SLIT2: variants seen among roughly 807,000 people sequenced by gnomAD.
SLIT2 encodes the protein slit homolog 2 protein.
SLIT2 carries 41 observed loss-of-function variants against 185.7 expected under a neutral mutation model. The ratio of observed to expected loss-of-function variants is 0.22; its 90% CI spans 0.17 to 0.29. The LOEUF is 0.29. Ranked by LOEUF, SLIT2 falls within the 10% of genes least tolerant of loss-of-function variation. The pLI is 1.00. For synonymous variants in SLIT2, 693 were observed against 680.2 expected (o/e 1.02, Z -0.29); for missense variants, 1,571 against 1,909.0 (o/e 0.82, Z 3.30).
intron 33 of SLIT2, among the ~76,000 whole-genome samples, chr4:20,605,668 T>A (rs1728735433): frequency 6.6e-6 from 1 of 152,126 alleles, no homozygotes; most frequent in Admixed American, 6.5e-5. Context: ...GCAGTCTTAC[T>A]ATGTAGCAAC....
intron 4 of SLIT2, among the ~76,000 whole-genome samples, chr4:20,389,863 T>A (rs1430229518): frequency 1.3e-5 from 2 of 152,120 alleles, no homozygotes; most frequent in Non-Finnish European, 2.9e-5. Flanking sequence ...TATTAATGTC[T>A]GATATTTGAC....
At chr4:20,585,496 G>T (rs1186393435) in intron 29 of SLIT2, among the ~76,000 whole-genome samples, 1 of 152,196 alleles carries the variant, frequency 6.6e-6, no homozygotes, top group Non-Finnish European at 1.5e-5. Flanking sequence ...TAGAGGAATG[G>T]GTTGAAGCCA....
chr4:20,471,362 C>T (rs370600025), intron 5 of SLIT2, among the ~76,000 whole-genome samples: 2 of 152,060 alleles, frequency 1.3e-5, no homozygotes, highest in Non-Finnish European at 2.9e-5. Context: ...AACTGGTGAA[C>T]ATAAGTCATC....
rs781670692 is a variant in SLIT2, at chr4:20,511,120, A to G, written c.1041A>G (p.Leu347=). 1 of 1,600,674 alleles carries G rather than the reference A, an allele frequency of 6.2e-7. No individual in the cohort carries two copies. The highest frequency in any genetic ancestry group is 8.6e-7 in the Non-Finnish European group (1 of 1,169,250). The change falls in exon 11 of 37, where the codon CTA becomes CTG. Residue 347 remains leucine, a synonymous_variant. Transcript: ENST00000504154. ...SELAPDAFQG[L]RSLNSLVLYG... Reference sequence around the variant, plus strand: ...TTGCACCAGATGCTTTCCAAGGACTACGCTCTCTGAATTCACTGTAAGTAT... The same window carrying G: ...TTGCACCAGATGCTTTCCAAGGACTGCGCTCTCTGAATTCACTGTAAGTAT...
Position 20,429,779 on chromosome 4 carries a change from G to A in SLIT2, c.396-37973G>A, listed in dbSNP as rs537524672. On this transcript the variant is annotated intron_variant, in intron 4 of 36. Coordinates refer to ENST00000504154, the MANE Select transcript of SLIT2 (RefSeq NM_004787.4). ...AATCCCTGTGCCATAAATTTATATT[G>A]TTGTATCTGAGTAACAGAAATAGCA... Among the ~76,000 whole-genome samples the A allele has an allele frequency of 5.3e-4, 80 of 152,222 alleles. No homozygotes were observed. In the South Asian group the frequency reaches 0.014, roughly 27 times the overall value.
At chr4:20,276,818 T>G (rs1714216602) in intron 4 of SLIT2, among the ~76,000 whole-genome samples, 1 of 152,186 alleles carries the variant, frequency 6.6e-6, no homozygotes, top group Non-Finnish European at 1.5e-5. Flanking sequence ...GTTCTATGTC[T>G]TAAACCATCA....
intron 9 of SLIT2, among the ~76,000 whole-genome samples, chr4:20,499,854 G>A (rs1290443094): frequency 6.6e-6 from 1 of 152,116 alleles, no homozygotes; most frequent in Non-Finnish European, 1.5e-5. Context: ...AGCCTATTAT[G>A]TACTGGCTGA....
intron 4 of SLIT2, among the ~76,000 whole-genome samples, chr4:20,415,435 G>C (rs934127058): frequency 2.2e-5 from 3 of 138,190 alleles, no homozygotes; most frequent in Non-Finnish European, 4.8e-5. Flanking sequence ...AAAAAAAAAG[G>C]CTTTATAAAT....
chr4:20,349,366 T>C (rs1721686237), intron 4 of SLIT2, among the ~76,000 whole-genome samples: 1 of 152,190 alleles, frequency 6.6e-6, no homozygotes, highest in Non-Finnish European at 1.5e-5. Flanking sequence ...TGTGCACAGC[T>C]ATTGGGCTGT....
intron 18 of SLIT2, 29 bp downstream of exon 18, chr4:20,533,744 T>C: frequency 1.1e-5 from 17 of 1,594,982 alleles, no homozygotes; most frequent in Non-Finnish European, 1.4e-5. Flanking sequence ...ATTGCAGTTC[T>C]TCTACCAAAG....
chr4:20,603,784 C>T (rs1183806807), intron 33 of SLIT2, among the ~76,000 whole-genome samples: 2 of 152,136 alleles, frequency 1.3e-5, no homozygotes, highest in African/African-American at 4.8e-5. Flanking sequence ...TACAGGCTTA[C>T]ATTTCAACAA....
chr4:20,518,239 G>GTGTATATA (rs777543992), intron 11 of SLIT2, among the ~76,000 whole-genome samples: 5 of 85,250 alleles, frequency 5.9e-5, no homozygotes, highest in Middle Eastern at 6.3e-3. Flanking sequence ...ATGTGTGTGT[G>GTGTATATA]TATATATATA....
chr4:20,305,250 C>T lies in SLIT2; in HGVS notation c.395+36369C>T, dbSNP rs1216493687. On this transcript the variant is annotated intron_variant, in intron 4 of 36. Coordinates refer to ENST00000504154, the MANE Select transcript of SLIT2 (RefSeq NM_004787.4). ...AATGGTAACAGGAGGTGTAAATACA[C>T]ACACACCCCACACAGACATATATAC... Among the ~76,000 whole-genome samples the T allele has an allele frequency of 1.3e-5, 2 of 152,034 alleles. 1 individual carries two copies. The highest frequency in any genetic ancestry group is 2.9e-5 in the Non-Finnish European group (2 of 68,010).
chr4:20,434,625 A>T (rs1447489402), intron 4 of SLIT2, among the ~76,000 whole-genome samples: 2 of 152,206 alleles, frequency 1.3e-5, no homozygotes, highest in Non-Finnish European at 2.9e-5. Context: ...GGGTATGGGG[A>T]CAGTGGAAAG....
intron 26 of SLIT2, among the ~76,000 whole-genome samples, chr4:20,564,035 C>G (rs574656335): frequency 1.3e-5 from 2 of 151,930 alleles, no homozygotes; most frequent in African/African-American, 2.4e-5. Flanking sequence ...GTGGAAAATT[C>G]TGCCAAGTGT....
chr4:20,444,093 AG>A (rs1399048430), intron 4 of SLIT2, among the ~76,000 whole-genome samples: 4 of 152,172 alleles, frequency 2.6e-5, no homozygotes, highest in Non-Finnish European at 5.9e-5. Context: ...TGGATATTAT[AG>A]ATACTAATAC....
At position 20,553,847 on chromosome 4, in the gene SLIT2, G is replaced by A. The variant is rs1390111902; in HGVS notation, c.2604G>A (p.Gln868=). ...CTCTTTACTGTGATTGTAACATGCA[G>A]TGGTTATCCGACTGGGTGAAGTCGG... The part of the protein sequence containing the change: ...ANPLYCDCNM[Q]WLSDWVKSEY... The change falls in exon 26 of 37, where the codon CAG becomes CAA. Residue 868 remains glutamine (Q), a synonymous_variant. Transcript: ENST00000504154. 1 of 1,604,650 alleles carries A rather than the reference G, an allele frequency of 6.2e-7. No homozygotes were observed. The highest frequency in any genetic ancestry group is 1.3e-5 in the African/African-American group (1 of 74,220).
chr4:20,532,265 A>T (rs183786111), intron 17 of SLIT2, among the ~76,000 whole-genome samples: 2 of 152,294 alleles, frequency 1.3e-5, no homozygotes. Flanking sequence ...AGCAGAGCCT[A>T]AGCATCTTAC....
intron 4 of SLIT2, among the ~76,000 whole-genome samples, chr4:20,380,527 T>A (rs1299254279): frequency 6.6e-6 from 1 of 152,056 alleles, no homozygotes; most frequent in Non-Finnish European, 1.5e-5. Context: ...GTAATTATAC[T>A]CCACATGTAG....
Sources: gnomAD v4.1 joint callset for allele counts (sites outside exome capture counted in the v4.1 genomes callset) on GRCh38, gnomAD v4.1.1 for gene constraint, MANE v1.5 for transcripts, NCBI Gene and HGNC (gene_info 2026-07-23, HGNC 2026-07-21) for gene names.